Variants in MYH3 observed in about 807,000 individuals in gnomAD.
MYH3 encodes the protein myosin-3.
In MYH3, 130 loss-of-function variants were observed where a neutral mutation model predicts 238.0. The observed-to-expected ratio is 0.55, with a 90% CI of 0.47 to 0.63. The LOEUF (loss-of-function observed/expected upper bound fraction) is 0.63, where lower values mean the gene tolerates loss of function less well. MYH3 is among the 30% of genes least tolerant of loss of function. The probability of loss-of-function intolerance (pLI) is 0.00; values close to 1 mark genes in which losing one functional copy is unlikely to be tolerated. For missense variants in MYH3, 1,853 were observed against 2,374.9 expected, an observed-to-expected ratio of 0.78 and a Z score of 4.57; for synonymous variants, 880 against 924.1, an observed-to-expected ratio of 0.95 and a Z score of 0.86.
intron 5 of MYH3, 145 bp downstream of exon 5, chr17:10,651,367 C>T: frequency 6.9e-7 from 1 of 1,448,486 alleles, no homozygotes; most frequent in Non-Finnish European, 9.6e-7. Flanking sequence ...CATGATGCAG[C>T]CCCTTTCTGC....
Position 10,628,860 on chromosome 17 carries a change from C to T in MYH3, c.5797-181G>A, listed in dbSNP as rs560207811. Among the ~76,000 whole-genome samples the T allele has an allele frequency of 2.6e-5, 4 of 152,244 alleles. No individual in the cohort carries two copies. In the East Asian group the frequency reaches 7.7e-4, roughly 29 times the overall value. On this transcript the variant is annotated intron_variant, in intron 40 of 40. Coordinates refer to ENST00000583535, the MANE Select transcript of MYH3 (RefSeq NM_002470.4). ...TCACCCCATAGCCTGAGAAACTGGC[C>T]CTCCGAAAGAGCAAGCCCCAAACGC...
At position 10,630,072 on chromosome 17, in the gene MYH3, G is replaced by T. The variant is rs2142377507; in HGVS notation, c.5562+20C>A. The T allele has an allele frequency of 6.8e-6, 11 of 1,610,878 alleles. No individual in the cohort carries two copies. Among genetic ancestry groups the T allele is most frequent in the Non-Finnish European group, 9.3e-6 (11 of 1,177,056 alleles). The stretch of plus-strand genomic sequence containing the variant: ...TGCACGTCACAGAGGACACGATCAT[G>T]GCGTTTGCGTTCCACTTACCTGGTA... On this transcript the variant is annotated intron_variant, in intron 38 of 40. Transcript: ENST00000583535.
the MYH3 span, chr17:10,672,531 C>T: frequency 1.1e-4 from 16 of 151,990 alleles, no homozygotes; most frequent in Admixed American, 7.9e-4. Flanking sequence ...TTTTAAAGTG[C>T]GCAGTTCAGT....
intron 36 of MYH3, 51 bp from the exon 37 acceptor site, chr17:10,630,509 G>A: frequency 5.0e-6 from 8 of 1,612,540 alleles, no homozygotes; most frequent in South Asian, 3.3e-5. Context: ...CCAGTGCCTT[G>A]GAACTGTCAA....
chr17:10,634,728 G>A, intron 31 of MYH3, 112 bp downstream of exon 31: 1 of 1,335,106 alleles, frequency 7.5e-7, no homozygotes, highest in African/African-American at 1.4e-5. Flanking sequence ...CTTGCCCAAG[G>A]CCACACTGCT....
In MYH3 at chr17:10,630,458, C is replaced by T; in HGVS notation, c.5287G>A (p.Ala1763Thr). 6.2e-7 allele frequency: 1 copy of T among 1,614,192 alleles called. No homozygotes were observed. Among genetic ancestry groups the T allele is most frequent in the Non-Finnish European group, 8.5e-7 (1 of 1,180,024 alleles). The change falls in exon 37 of 41, where the codon GCT (alanine) becomes ACT (threonine). Residue 1763 changes from alanine to threonine, a missense_variant and splice_region_variant. Transcript: ENST00000583535. ...TTCAGCTCCTCCGCCATCATGGCAG[C>T]CTGAAAAGCACATGGGACTTGCTAG... ...EEKAKKAITD[A>T]AMMAEELKKE...
intron 26 of MYH3, 116 bp from the exon 27 acceptor site, chr17:10,638,548 A>G (rs1437650861): frequency 7.4e-7 from 1 of 1,357,680 alleles, no homozygotes; most frequent in Non-Finnish European, 1.0e-6. Context: ...ACTCCCCTCC[A>G]ATGAATACTG....
chr17:10,637,680 T>TA (rs2074227947), intron 28 of MYH3, 129 bp downstream of exon 28: 8 of 1,292,728 alleles, frequency 6.2e-6, no homozygotes, highest in African/African-American at 1.5e-5. Flanking sequence ...TTATTTCAAT[T>TA]TCTTCTCTCC....
chr17:10,629,785 A>T, intron 39 of MYH3, 51 bp from the exon 40 acceptor site: 1 of 1,614,072 alleles, frequency 6.2e-7, no homozygotes. Context: ...CTCTCTCAGA[A>T]CTCACCACGG....
chr17:10,640,174 A>C lies in MYH3; in HGVS notation c.2504T>G (p.Phe835Cys). The C allele has an allele frequency of 6.2e-7, 1 of 1,614,126 alleles. No individual in the cohort carries two copies. Among genetic ancestry groups the C allele is most frequent in the African/African-American group, 1.3e-5 (1 of 75,012 alleles). The change falls in exon 22 of 41, where the codon TTC (phenylalanine) becomes TGC (cysteine). Residue 835 changes from phenylalanine to cysteine, a missense_variant. Physicochemically the swap from Phe to Cys is radical, Grantham distance 205 (BLOSUM62 -2). Coordinates refer to ENST00000583535, the MANE Select transcript of MYH3 (RefSeq NM_002470.4). ...VKHWPWMKLF[F>C]KIKPLLKSAE... ...ACTCTTGAGGAGGGGCTTGATCTTG[A>C]AGAAGAGTTTCATCCAGGGCCAGTG...
chr17:10,665,998 G>A, the MYH3 span, among the ~76,000 whole-genome samples: 1 of 152,098 alleles, frequency 6.6e-6, no homozygotes, highest in African/African-American at 2.4e-5. Flanking sequence ...CAAGTCAGTG[G>A]ACCAAAGATG....
In MYH3 at chr17:10,633,460, G is replaced by A. The variant is rs967483455; in HGVS notation, c.4647+131C>T. 3.0e-5 allele frequency: 34 copies of A among 1,123,286 alleles called. No homozygotes were observed. The Admixed American group carries it at 3.2e-4, about 11-fold the overall frequency. 69.6% of individuals were successfully genotyped at this position (1,123,286 alleles called of 1,614,324 possible). Reference sequence around the variant, plus strand: ...CAGCCTCACAGTTTTGCTGTGTGACGGGAAAGCAGCAGGCATTAGGACTGT... The same window carrying A: ...CAGCCTCACAGTTTTGCTGTGTGACAGGAAAGCAGCAGGCATTAGGACTGT... On this transcript the variant is annotated intron_variant, in intron 33 of 40. Transcript: ENST00000583535.
At chr17:10,657,070 C>T (rs1357078950) in intron 1 of MYH3, among the ~76,000 whole-genome samples, 3 of 152,138 alleles carry the variant, frequency 2.0e-5, no homozygotes, top group African/African-American at 7.2e-5. Context: ...TGCAGGGCTC[C>T]TGCTTGGGGG....
chr17:10,633,464 A>C, intron 33 of MYH3, 127 bp downstream of exon 33: 1 of 1,168,182 alleles, frequency 8.6e-7, no homozygotes, highest in South Asian at 1.3e-5. Flanking sequence ...TGTGACGGGA[A>C]AGCAGCAGGC....
the MYH3 span, among the ~76,000 whole-genome samples, chr17:10,670,602 C>T: frequency 3.3e-5 from 5 of 152,050 alleles, no homozygotes; most frequent in African/African-American, 9.7e-5. This position sits in a 1 kb window ranked among gnomAD's most constrained non-coding sequence, Gnocchi z 7.0. Context: ...TGCCACAGTG[C>T]CCAATTAATA....
At chr17:10,634,410 G>T (rs2074193947) in intron 31 of MYH3, among the ~76,000 whole-genome samples, 1 of 152,156 alleles carries the variant, frequency 6.6e-6, no homozygotes, top group African/African-American at 2.4e-5. Flanking sequence ...CCTTTGAGAA[G>T]GAATTAGCTG....
chr17:10,647,098 C>T, intron 10 of MYH3, 84 bp downstream of exon 10: 1 of 975,532 alleles, frequency 1.0e-6, no homozygotes, highest in Non-Finnish European at 1.7e-6. Flanking sequence ...ACTGTAGAGT[C>T]ACTCTACGTA....
rs201452885 is a variant in MYH3 at position 10,629,771 on chromosome 17, G to A, written c.5659-37C>T. On this transcript the variant is annotated intron_variant, in intron 39 of 40. Coordinates refer to ENST00000583535, the MANE Select transcript of MYH3 (RefSeq NM_002470.4). ...GAGCCCAGGCAGGTTATATCAGCAC[G>A]CGCCTCTCTCAGAACTCACCACGGG... 793 of 1,614,148 alleles carry A rather than the reference G, an allele frequency of 4.9e-4. 1 individual carries two copies. The highest frequency in any genetic ancestry group is 6.4e-4 in the Non-Finnish European group (757 of 1,180,036).
At chr17:10,674,572 A>T in the MYH3 span, 1 of 161,330 alleles carries the variant, frequency 6.2e-6, no homozygotes, top group Non-Finnish European at 1.3e-5. Context: ...CTGTAGAGGG[A>T]GTCTGAGTAT....
Sources: allele counts gnomAD v4.1 joint callset (sites outside exome capture counted in the v4.1 genomes callset), GRCh38; gene constraint gnomAD v4.1.1; non-coding constraint Gnocchi (gnomAD v3.1); transcripts MANE v1.5; gene names NCBI Gene and HGNC (gene_info 2026-07-23, HGNC 2026-07-21).